The following NRBF2 variants were observed in gnomAD, a reference collection of about 807,000 sequenced individuals.
NRBF2 encodes the protein nuclear receptor binding factor 2.
NRBF2 carries 12 observed loss-of-function variants against 28.5 expected under a neutral mutation model. The observed-to-expected ratio is 0.42, with a 90% CI of 0.27 to 0.68. NRBF2 has a LOEUF of 0.68. Among genes scored for constraint, NRBF2 ranks in the 30% least tolerant of loss-of-function variants. The probability of loss-of-function intolerance (pLI) is 0.24; values close to 1 mark genes in which losing one functional copy is unlikely to be tolerated. For synonymous variants in NRBF2, 102 were observed against 116.5 expected (o/e 0.88, Z 0.80); for missense variants, 274 against 333.5 (o/e 0.82, Z 1.39).
At chr10:63,142,742 A>ATTTT (rs1037996173) in intron 1 of NRBF2, among the ~76,000 whole-genome samples, 2 of 111,898 alleles carry the variant, frequency 1.8e-5, no homozygotes, top group Non-Finnish European at 3.9e-5. Flanking sequence ...TTCATCCATT[A>ATTTT]TTTTAAGCCC....
intron 2 of NRBF2, among the ~76,000 whole-genome samples, chr10:63,147,609 G>A (rs1302462609): frequency 8.2e-6 from 1 of 122,350 alleles, no homozygotes; most frequent in Non-Finnish European, 1.7e-5. Context: ...ACTGCTCTCA[G>A]CCTTTTTTTT....
At chr10:63,139,855 G>A (rs1187903449) in intron 1 of NRBF2, among the ~76,000 whole-genome samples, 1 of 152,142 alleles carries the variant, frequency 6.6e-6, no homozygotes, top group African/African-American at 2.4e-5. Flanking sequence ...AACAATGTGG[G>A]CCTGGTATGG....
intron 1 of NRBF2, among the ~76,000 whole-genome samples, chr10:63,138,262 A>G (rs1003502118): frequency 1.3e-5 from 2 of 152,044 alleles, no homozygotes; most frequent in African/African-American, 2.4e-5. Flanking sequence ...GCAGTGAGCC[A>G]AGGTCACGCC....
At chr10:63,142,776 C>CTTTTTTTTTTTTT (rs1202067005) in intron 1 of NRBF2, among the ~76,000 whole-genome samples, 1 of 26,496 alleles carries the variant, frequency 3.8e-5, no homozygotes, top group African/African-American at 1.4e-4. Context: ...TTCTTTCTTT[C>CTTTTTTTTTTTTT]TTTCTTTTTT....
At position 63,133,510 on chromosome 10, in the gene NRBF2, C is replaced by G. The variant is rs753383989; in HGVS notation, c.30+10C>G. The G allele has an allele frequency of 6.2e-6, 10 of 1,600,424 alleles. No homozygotes were observed. Among genetic ancestry groups the G allele is most frequent in the Non-Finnish European group, 8.6e-6 (10 of 1,168,784 alleles). ...AGGACCCCTCAACCTGGTGAGTGTC[C>G]CACAGAATATAGCGTTCGTCTTGGG... On this transcript the variant is annotated intron_variant, in intron 1 of 3. Transcript: ENST00000277746.
At chr10:63,134,489 C>T (rs559487884) in intron 1 of NRBF2, among the ~76,000 whole-genome samples, 1 of 152,312 alleles carries the variant, frequency 6.6e-6, no homozygotes, top group African/African-American at 2.4e-5. Flanking sequence ...GCAGTAGAGT[C>T]AGGTGGTTTA....
chr10:63,141,383 C>T (rs1841463785), intron 1 of NRBF2, among the ~76,000 whole-genome samples: 1 of 152,184 alleles, frequency 6.6e-6, no homozygotes, highest in Non-Finnish European at 1.5e-5. Flanking sequence ...CTGCAGTGAG[C>T]TATGATTGCA....
At chr10:63,146,436 T>C (rs1287228088) in intron 2 of NRBF2, 143 bp downstream of exon 2, 61 of 586,028 alleles carry the variant, frequency 1.0e-4, no homozygotes, top group Non-Finnish European at 2.1e-5. Flanking sequence ...AGTAAGTGTG[T>C]TGGATTTCCC....
At chr10:63,146,116 G>A in intron 1 of NRBF2, 93 bp from the exon 2 acceptor site, 1 of 925,726 alleles carries the variant, frequency 1.1e-6, no homozygotes. Flanking sequence ...CAACAAAACA[G>A]TATTATTTAT....
chr10:63,136,131 T>C (rs989521360), intron 1 of NRBF2, among the ~76,000 whole-genome samples: 3 of 151,402 alleles, frequency 2.0e-5, no homozygotes, highest in Admixed American at 1.3e-4. Flanking sequence ...AGACTTTTTT[T>C]TTTTTTTTTT....
intron 1 of NRBF2, among the ~76,000 whole-genome samples, chr10:63,139,587 AAGGTGC>A (rs1380125090): frequency 6.6e-6 from 1 of 152,180 alleles, no homozygotes; most frequent in East Asian, 1.9e-4. Flanking sequence ...ACTCCAAAGA[AAGGTGC>A]AGGAAGGGCA....
At chr10:63,136,282 C>G (rs1841377614) in intron 1 of NRBF2, among the ~76,000 whole-genome samples, 1 of 152,076 alleles carries the variant, frequency 6.6e-6, no homozygotes. Context: ...CAGGCATGCA[C>G]CACCCTGCCC....
chr10:63,136,682 C>T (rs1454237542), intron 1 of NRBF2, among the ~76,000 whole-genome samples: 1 of 152,210 alleles, frequency 6.6e-6, no homozygotes, highest in African/African-American at 2.4e-5. Flanking sequence ...ATCAAGACCT[C>T]TTTCTAGCAA....
chr10:63,134,570 T>A (rs1379900256), intron 1 of NRBF2, among the ~76,000 whole-genome samples: 1 of 152,200 alleles, frequency 6.6e-6, no homozygotes, highest in Non-Finnish European at 1.5e-5. Context: ...CTGTGTTACC[T>A]TGGGCAAACT....
intron 1 of NRBF2, among the ~76,000 whole-genome samples, chr10:63,139,864 G>C (rs1841435676): frequency 6.6e-6 from 1 of 152,114 alleles, no homozygotes; most frequent in Non-Finnish European, 1.5e-5. Context: ...GGCCTGGTAT[G>C]GTAGCTCACA....
rs984863612 is a variant in NRBF2, at chr10:63,133,353, C to G, written c.-118C>G. ...GCTCCTTCAGCGCCTATCGCTGGCTCTTGGGGCGCAGAGAGGGGCCGCAGT... is the reference window on the plus strand; with the variant it reads ...GCTCCTTCAGCGCCTATCGCTGGCTGTTGGGGCGCAGAGAGGGGCCGCAGT... On this transcript the variant is annotated 5_prime_UTR_variant, in exon 1 of 4. Coordinates refer to ENST00000277746, the MANE Select transcript of NRBF2 (RefSeq NM_030759.5). 49 of 1,231,842 alleles carry G rather than the reference C, an allele frequency of 4.0e-5. No homozygotes were observed. In the Admixed American group the frequency reaches 7.6e-4, roughly 19 times the overall value. 76.3% of individuals were successfully genotyped at this position (1,231,842 alleles called of 1,614,324 possible).
At chr10:63,151,847 CTTGT>C (rs1841655489) in intron 2 of NRBF2, among the ~76,000 whole-genome samples, 1 of 152,046 alleles carries the variant, frequency 6.6e-6, no homozygotes, top group Non-Finnish European at 1.5e-5. Flanking sequence ...TGGATAGGTT[CTTGT>C]TTGATTTTTA....
chr10:63,140,284 C>G (rs1208504237), intron 1 of NRBF2, among the ~76,000 whole-genome samples: 1 of 152,152 alleles, frequency 6.6e-6, no homozygotes, highest in African/African-American at 2.4e-5. Context: ...CTCAATCTAA[C>G]GTAACCCATC....
chr10:63,147,321 A>ATT (rs200520684), intron 2 of NRBF2, among the ~76,000 whole-genome samples: 1 of 146,054 alleles, frequency 6.8e-6, no homozygotes, highest in Admixed American at 6.8e-5. Context: ...GAAAATTAAA[A>ATT]TTTTTTTTTT....
Sources: allele counts gnomAD v4.1 joint callset (sites outside exome capture counted in the v4.1 genomes callset), GRCh38; gene constraint gnomAD v4.1.1; transcripts MANE v1.5; gene names NCBI Gene and HGNC (gene_info 2026-07-23, HGNC 2026-07-21).